Variants in RBFOX1 observed in about 807,000 individuals in gnomAD.
RBFOX1 encodes the protein RNA binding fox-1 homolog 1.
A neutral mutation model predicts 57.7 loss-of-function variants in RBFOX1; 8 were observed. The observed-to-expected ratio is 0.14, with a 90% CI of 0.08 to 0.25. RBFOX1 has a LOEUF of 0.25. RBFOX1 is among the 10% of genes least tolerant of loss of function. The pLI, the probability that RBFOX1 is intolerant of heterozygous loss-of-function variation, is 1.00. For synonymous variants in RBFOX1, 326 were observed against 222.4 expected, an observed-to-expected ratio of 1.47 and a Z score of -4.15; for missense variants, 611 against 548.5, an observed-to-expected ratio of 1.11 and a Z score of -1.14.
At chr16:5,699,862 C>A (rs1341021173) in intron 3 of RBFOX1, among the ~76,000 whole-genome samples, 3 of 152,118 alleles carry the variant, frequency 2.0e-5, no homozygotes, top group African/African-American at 4.8e-5. Flanking sequence ...AAGACGGAGT[C>A]TTGCTCTGTC....
chr16:6,215,136 AGAG>A (rs971661686), intron 1 of RBFOX1, among the ~76,000 whole-genome samples: 1 of 106,236 alleles, frequency 9.4e-6, no homozygotes. Context: ...GAGAAGGAGA[AGAG>A]AAGAAGGAGA....
intron 3 of RBFOX1, among the ~76,000 whole-genome samples, chr16:5,861,384 C>G (rs1253022719): frequency 6.6e-6 from 1 of 152,188 alleles, no homozygotes; most frequent in African/African-American, 2.4e-5. Flanking sequence ...AACCACTACT[C>G]ATTCTCCTCC....
chr16:6,060,240 C>T (rs2152457505), intron 1 of RBFOX1, among the ~76,000 whole-genome samples: 1 of 147,482 alleles, frequency 6.8e-6, no homozygotes, highest in South Asian at 2.2e-4. Flanking sequence ...AGTTTTGGCT[C>T]TCAAATTCTC....
At chr16:7,304,910 G>GGT (rs2096136513) in intron 4 of RBFOX1, among the ~76,000 whole-genome samples, 1 of 126,022 alleles carries the variant, frequency 7.9e-6, no homozygotes, top group Admixed American at 9.4e-5. Flanking sequence ...TGTGGTGTGT[G>GGT]GTGTGGTGTG....
chr16:5,488,064 A>T (rs1231478151), intron 2 of RBFOX1, among the ~76,000 whole-genome samples: 1 of 151,756 alleles, frequency 6.6e-6, no homozygotes, highest in African/African-American at 2.4e-5. Context: ...GTGAGGTGTG[A>T]TGGTGATGAT....
chr16:7,195,023 T>C (rs1438468607), intron 4 of RBFOX1, among the ~76,000 whole-genome samples: 1 of 150,586 alleles, frequency 6.6e-6, no homozygotes, highest in Non-Finnish European at 1.5e-5. Context: ...TCTTAATTAG[T>C]TGTTTATTGT....
At chr16:7,372,274 A>C (rs184335294) in intron 4 of RBFOX1, among the ~76,000 whole-genome samples, 20 of 152,330 alleles carry the variant, frequency 1.3e-4, no homozygotes, top group African/African-American at 4.8e-4. Flanking sequence ...TTCATACTTC[A>C]GATCCCATGA....
chr16:7,568,621 C>T (rs1248216694), intron 5 of RBFOX1, among the ~76,000 whole-genome samples: 3 of 152,092 alleles, frequency 2.0e-5, no homozygotes, highest in Non-Finnish European at 4.4e-5. Context: ...CGCGGTGGCT[C>T]ATGCCTGTAA....
intron 2 of RBFOX1, among the ~76,000 whole-genome samples, chr16:6,604,938 C>T (rs534276574): frequency 6.6e-6 from 1 of 152,016 alleles, no homozygotes; most frequent in African/African-American, 2.4e-5. Flanking sequence ...AATTTGAGAC[C>T]AGCCTGGGCG....
chr16:6,263,789 C>T (rs140953771), intron 1 of RBFOX1, among the ~76,000 whole-genome samples: 5 of 152,320 alleles, frequency 3.3e-5, no homozygotes, highest in African/African-American at 1.2e-4. Flanking sequence ...GATGTCTTCA[C>T]ATTGGAAGCA....
chr16:7,391,248 T>C (rs1369891929), intron 4 of RBFOX1, among the ~76,000 whole-genome samples: 1 of 152,200 alleles, frequency 6.6e-6, no homozygotes, highest in African/African-American at 2.4e-5. Context: ...GGCCAGTCTC[T>C]TTTTAGAATA....
chr16:6,909,580 A>T (rs1371885437), intron 3 of RBFOX1, among the ~76,000 whole-genome samples: 4 of 152,208 alleles, frequency 2.6e-5, no homozygotes, highest in Non-Finnish European at 5.9e-5. Flanking sequence ...AGGCTCAGCT[A>T]CCTAGAAGCG....
chr16:6,028,422 C>T (rs62015779), intron 1 of RBFOX1, among the ~76,000 whole-genome samples: 7,026 of 149,440 alleles, frequency 0.047, 242 homozygotes, highest in Non-Finnish European at 0.068. Context: ...CCTGCAATCC[C>T]AACACTTTGG....
chr16:6,901,189 A>T (rs1280732647), intron 3 of RBFOX1, among the ~76,000 whole-genome samples: 1 of 152,146 alleles, frequency 6.6e-6, no homozygotes, highest in Non-Finnish European at 1.5e-5. Context: ...GGTATTCAAT[A>T]AATATATACA....
At chr16:6,571,910 T>C (rs1361607201) in intron 2 of RBFOX1, among the ~76,000 whole-genome samples, 1 of 152,186 alleles carries the variant, frequency 6.6e-6, no homozygotes, top group Non-Finnish European at 1.5e-5. Context: ...ATTTGATTAA[T>C]TACTTTTATT....
rs1018815590 is a variant in RBFOX1 at position 5,946,716 on chromosome 16, G to T, written c.351+79381G>T. Among the ~76,000 whole-genome samples the T allele has an allele frequency of 3.3e-5, 5 of 152,214 alleles. No individual in the cohort carries two copies. Among genetic ancestry groups the T allele is most frequent in the African/African-American group, 9.7e-5 (4 of 41,444 alleles). On this transcript the variant is annotated intron_variant, in intron 4 of 19. Coordinates refer to the RBFOX1 transcript ENST00000641259. This position sits in a 1 kb window ranked among gnomAD's most constrained non-coding sequence, Gnocchi z 4.6. ...ATGGTGAGAAGGGAAGTACAGGCTTGCTCTGAAGTGGGGCCAGTCTTGTGG... is the reference window on the plus strand; with the variant it reads ...ATGGTGAGAAGGGAAGTACAGGCTTTCTCTGAAGTGGGGCCAGTCTTGTGG...
intron 15 of RBFOX1, chr16:7,709,404 A>C: frequency 7.8e-7 from 1 of 1,277,266 alleles, no homozygotes; most frequent in Non-Finnish European, 1.0e-6. Flanking sequence ...AGTCATTTTG[A>C]TAATTAAATC....
chr16:7,151,123 C>A (rs1226514532), intron 4 of RBFOX1, among the ~76,000 whole-genome samples: 1 of 152,246 alleles, frequency 6.6e-6, no homozygotes, highest in South Asian at 2.1e-4. Flanking sequence ...CTCCAACCAG[C>A]AATGTCCTAT....
chr16:6,218,764 CCTT>C (rs372925190), intron 1 of RBFOX1, among the ~76,000 whole-genome samples: 8 of 152,038 alleles, frequency 5.3e-5, no homozygotes, highest in African/African-American at 1.7e-4. Flanking sequence ...TTCCCGGTCT[CCTT>C]CTTCAGATAT....
Sources: allele counts gnomAD v4.1 joint callset (sites outside exome capture counted in the v4.1 genomes callset), GRCh38; gene constraint gnomAD v4.1.1; non-coding constraint Gnocchi (gnomAD v3.1); transcripts MANE v1.5; gene names NCBI Gene and HGNC (gene_info 2026-07-23, HGNC 2026-07-21).